The following WDR70 variants were observed in gnomAD, a reference collection of about 807,000 sequenced individuals.
The protein encoded by WDR70 is WD repeat-containing protein 70.
Under a neutral mutation model 88.6 loss-of-function variants are expected in WDR70, and 53 were observed. The ratio of observed to expected loss-of-function variants is 0.60; its 90% CI spans 0.48 to 0.75. The LOEUF is 0.75. WDR70 is among the 30% of genes least tolerant of loss of function. The probability of loss-of-function intolerance (pLI) is 0.00; values close to 1 mark genes in which losing one functional copy is unlikely to be tolerated. For missense variants in WDR70, 610 were observed against 823.2 expected, an observed-to-expected ratio of 0.74 and a Z score of 3.17; for synonymous variants, 280 against 270.0, an observed-to-expected ratio of 1.04 and a Z score of -0.36.
intron 10 of WDR70, among the ~76,000 whole-genome samples, chr5:37,652,998 G>A (rs1404249289): frequency 2.0e-5 from 3 of 152,102 alleles, no homozygotes; most frequent in Admixed American, 6.6e-5. Context: ...TGGTGGGAGG[G>A]GGCATCCTTG....
At chr5:37,585,647 A>G (rs1743345088) in intron 9 of WDR70, among the ~76,000 whole-genome samples, 1 of 152,164 alleles carries the variant, frequency 6.6e-6, no homozygotes, top group Non-Finnish European at 1.5e-5. Context: ...GAAAAATACC[A>G]TCATTCTGCT....
intron 10 of WDR70, among the ~76,000 whole-genome samples, chr5:37,661,462 A>T (rs1008218609): frequency 6.6e-6 from 1 of 152,244 alleles, no homozygotes; most frequent in Non-Finnish European, 1.5e-5. Context: ...AGTGTGAAGG[A>T]CTGCCTAGAC....
intron 9 of WDR70, among the ~76,000 whole-genome samples, chr5:37,519,033 G>A (rs918107166): frequency 1.3e-5 from 2 of 152,114 alleles, no homozygotes; most frequent in Admixed American, 6.5e-5. Context: ...AGCATCCCAA[G>A]GCAGAAGAAT....
At chr5:37,715,849 CTTTT>C (rs1412930278) in intron 13 of WDR70, among the ~76,000 whole-genome samples, 30 of 151,848 alleles carry the variant, frequency 2.0e-4, no homozygotes, top group Admixed American at 2.0e-3. Flanking sequence ...TATCTGTTTT[CTTTT>C]TATTTGTTTT....
At chr5:37,665,006 A>G (rs562601217) in intron 10 of WDR70, among the ~76,000 whole-genome samples, 1 of 152,318 alleles carries the variant, frequency 6.6e-6, no homozygotes, top group South Asian at 2.1e-4. Context: ...CTGTACGAAT[A>G]TGTAGGTCTT....
At chr5:37,607,479 C>CA (rs1315994459) in intron 10 of WDR70, among the ~76,000 whole-genome samples, 1 of 152,110 alleles carries the variant, frequency 6.6e-6, no homozygotes, top group Non-Finnish European at 1.5e-5. Context: ...GTAAATTAAA[C>CA]AAAACATATC....
chr5:37,492,037 C>T (rs532655300), intron 8 of WDR70, among the ~76,000 whole-genome samples: 1 of 152,274 alleles, frequency 6.6e-6, no homozygotes, highest in African/African-American at 2.4e-5. Flanking sequence ...TTGATCCTAC[C>T]TACTTTTCTA....
At chr5:37,651,280 A>G (rs1252727038) in intron 10 of WDR70, among the ~76,000 whole-genome samples, 1 of 152,212 alleles carries the variant, frequency 6.6e-6, no homozygotes, top group African/African-American at 2.4e-5. Flanking sequence ...TGTCCCCGCA[A>G]AGGACATGAA....
intron 10 of WDR70, among the ~76,000 whole-genome samples, chr5:37,642,042 C>T (rs2112543615): frequency 6.6e-6 from 1 of 152,264 alleles, no homozygotes; most frequent in South Asian, 2.1e-4. Flanking sequence ...AGGATGATTG[C>T]TATAAGTGTG....
At chr5:37,501,956 T>G (rs1311278003) in intron 8 of WDR70, among the ~76,000 whole-genome samples, 1 of 152,130 alleles carries the variant, frequency 6.6e-6, no homozygotes. Context: ...AATTTTAGGA[T>G]TGATTCTGTG....
At chr5:37,669,799 A>G (rs894268754) in intron 10 of WDR70, among the ~76,000 whole-genome samples, 2 of 152,248 alleles carry the variant, frequency 1.3e-5, no homozygotes, top group African/African-American at 4.8e-5. Context: ...ATGGATAAAT[A>G]AAATGTGGTA....
chr5:37,510,170 CT>C (rs1740681760), intron 8 of WDR70, among the ~76,000 whole-genome samples: 1 of 151,848 alleles, frequency 6.6e-6, no homozygotes, highest in African/African-American at 2.4e-5. Context: ...TGTAAAGCTT[CT>C]TTATACTTCT....
At chr5:37,748,738 A>C (rs1253673646) in intron 17 of WDR70, among the ~76,000 whole-genome samples, 1 of 152,260 alleles carries the variant, frequency 6.6e-6, no homozygotes, top group Non-Finnish European at 1.5e-5. Flanking sequence ...TCTAATATCC[A>C]GAATTTACAA....
At chr5:37,654,249 T>C (rs551365787) in intron 10 of WDR70, among the ~76,000 whole-genome samples, 1 of 152,288 alleles carries the variant, frequency 6.6e-6, no homozygotes, top group East Asian at 1.9e-4. Context: ...TGTAGTTGCA[T>C]GGTTTTGAGT....
intron 5 of WDR70, among the ~76,000 whole-genome samples, chr5:37,399,490 AT>A (rs1019223304): frequency 5.3e-5 from 8 of 152,272 alleles, no homozygotes; most frequent in African/African-American, 1.9e-4. Context: ...AAACTTCTAA[AT>A]TTTTTTCTCT....
chr5:37,386,262 G>A (rs1367296589), intron 3 of WDR70, among the ~76,000 whole-genome samples: 9 of 152,178 alleles, frequency 5.9e-5, no homozygotes, highest in Admixed American at 5.9e-4. Flanking sequence ...TAGGTACCTT[G>A]TATTTACCAT....
chr5:37,567,492 C>T (rs1742777434), intron 9 of WDR70, among the ~76,000 whole-genome samples: 1 of 152,068 alleles, frequency 6.6e-6, no homozygotes, highest in South Asian at 2.1e-4. Context: ...ACAATATAAT[C>T]TGGTTTTGAG....
Position 37,415,563 on chromosome 5 carries a change from G to T in WDR70, c.492+18993G>T, listed in dbSNP as rs1166227275. 2.0e-3 allele frequency among the ~76,000 whole-genome samples: 248 copies of T among 123,910 alleles called. 6 individuals are homozygous for T. The highest frequency in any genetic ancestry group is 6.5e-3 in the African/African-American group (239 of 36,546). 81.3% of individuals were successfully genotyped at this position (123,910 alleles called of 152,430 possible). A position where few individuals can be genotyped will look rare whatever the true frequency, so the allele number is the denominator to read the frequency against. The stretch of plus-strand genomic sequence containing the variant: ...GGTGGGGCGGCTGGCCGGGCAGGGG[G>T]CTGACCCCCCACCTCCCTCCCGGAC... On this transcript the variant is annotated intron_variant, in intron 5 of 17. Coordinates refer to ENST00000265107, the MANE Select transcript of WDR70 (RefSeq NM_018034.4).
At chr5:37,744,006 G>A (rs1313306645) in intron 17 of WDR70, among the ~76,000 whole-genome samples, 2 of 152,138 alleles carry the variant, frequency 1.3e-5, no homozygotes, top group Admixed American at 6.5e-5. Context: ...CTATACAAGA[G>A]CAATTCTACT....
Sources: allele counts gnomAD v4.1 joint callset (sites outside exome capture counted in the v4.1 genomes callset), GRCh38; gene constraint gnomAD v4.1.1; transcripts MANE v1.5; gene names NCBI Gene and HGNC (gene_info 2026-07-23, HGNC 2026-07-21).